The following ALDH6A1 variants were observed in gnomAD, a reference collection of about 807,000 sequenced individuals.
ALDH6A1 encodes the protein methylmalonate-semialdehyde/malonate-semialdehyde dehydrogenase [acylating], mitochondrial.
In ALDH6A1, 43 loss-of-function variants were observed where a neutral mutation model predicts 62.6. The ratio of observed to expected loss-of-function variants is 0.69; its 90% CI spans 0.54 to 0.89. The LOEUF (loss-of-function observed/expected upper bound fraction) is 0.89, where lower values mean the gene tolerates loss of function less well. Ranked by LOEUF, ALDH6A1 falls within the 40% of genes least tolerant of loss-of-function variation. The probability of loss-of-function intolerance (pLI) is 0.00; values close to 1 mark genes in which losing one functional copy is unlikely to be tolerated. For synonymous variants in ALDH6A1, 194 were observed against 234.2 expected, an observed-to-expected ratio of 0.83 and a Z score of 1.57; for missense variants, 551 against 661.3, an observed-to-expected ratio of 0.83 and a Z score of 1.83.
chr14:74,060,810 G>C (rs868239787), intron 11 of ALDH6A1, 64 bp from the exon 12 acceptor site: 2 of 1,181,820 alleles, frequency 1.7e-6, no homozygotes, highest in Middle Eastern at 1.9e-4. Flanking sequence ...CTTTTAATTA[G>C]CTTTTGAAGG....
At chr14:74,067,618 C>G in intron 7 of ALDH6A1, 49 bp from the exon 8 acceptor site, 1 of 1,595,224 alleles carries the variant, frequency 6.3e-7, no homozygotes, top group Non-Finnish European at 8.6e-7. Context: ...CCAAATACAA[C>G]TAAGCTAAGA....
Position 74,066,813 on chromosome 14 carries a change from A to C in ALDH6A1, c.1116T>G (p.Asp372Glu). ...TGGAAGCTCCCTCCTTTGTTCCACT[A>C]TCAATCAGATTACAGACTCGCTCTT... ...QAKERVCNLI[D>E]SGTKEGASIL... Residue 372 changes from aspartate to glutamate, a missense_variant, in exon 9 of 12, where the codon GAT becomes GAG. Asp to Glu is a conservative substitution (Grantham distance 45). Transcript: ENST00000553458. 1 of 1,614,062 alleles carries C rather than the reference A, an allele frequency of 6.2e-7. No homozygotes were observed. Among genetic ancestry groups the C allele is most frequent in the Non-Finnish European group, 8.5e-7 (1 of 1,179,984 alleles).
intron 6 of ALDH6A1, among the ~76,000 whole-genome samples, chr14:74,069,725 C>G (rs1047487701): frequency 3.9e-5 from 6 of 151,906 alleles, no homozygotes; most frequent in Admixed American, 1.3e-4. Context: ...TGCGCCTCAG[C>G]CTGGGCAACA....
At chr14:74,065,777 G>A (rs1232396515) in intron 9 of ALDH6A1, 2 of 202,752 alleles carry the variant, frequency 9.9e-6, no homozygotes, top group East Asian at 1.3e-4. Context: ...GCTGTTTTCT[G>A]TAACATAAAT....
Position 74,060,716 on chromosome 14 carries a change from T to C in ALDH6A1, c.1534A>G (p.Ile512Val). ...GIQFYTQLKT[I>V]TSQWKEEDAT... is the part of the protein sequence containing the mutation. ...TCTTCTTCTTTCCACTGAGAAGTAA[T>C]GGTCTTTAACTGAGTGTAGAATTGG... The change falls in exon 12 of 12, where the codon ATT (isoleucine) becomes GTT (valine). Residue 512 changes from isoleucine to valine, a missense_variant. Transcript: ENST00000553458. The C allele has an allele frequency of 9.9e-6, 16 of 1,613,590 alleles. No homozygotes were observed. The highest frequency in any genetic ancestry group is 1.2e-5 in the Non-Finnish European group (14 of 1,179,544).
At chr14:74,061,924 G>A (rs899195305) in intron 11 of ALDH6A1, among the ~76,000 whole-genome samples, 3 of 151,796 alleles carry the variant, frequency 2.0e-5, no homozygotes, top group Non-Finnish European at 2.9e-5. Flanking sequence ...AAACTGGGGG[G>A]TGCAGCCAGG....
intron 1 of ALDH6A1, chr14:74,082,938 A>C (rs1469144436): frequency 6.6e-6 from 1 of 152,204 alleles, no homozygotes; most frequent in Non-Finnish European, 1.5e-5. Context: ...TGGGAGGGGA[A>C]GAGGAGGCAA....
intron 1 of ALDH6A1, among the ~76,000 whole-genome samples, chr14:74,081,604 G>C (rs2060668506): frequency 6.6e-6 from 1 of 152,100 alleles, no homozygotes; most frequent in Non-Finnish European, 1.5e-5. Flanking sequence ...CCAAACTGCT[G>C]CTCTCTAGAT....
chr14:74,060,292 G>C lies in ALDH6A1; in HGVS notation c.*350C>G, dbSNP rs535909477. On this transcript the variant is annotated 3_prime_UTR_variant, in exon 12 of 12. Transcript: ENST00000553458. ...TGGAATTACAGGCGTGAGCCACCGC[G>C]CCTGGCTGGAACATTTTCTTTACAT... 16 of 270,916 alleles carry C rather than the reference G, an allele frequency of 5.9e-5. No homozygotes were observed. The highest frequency in any genetic ancestry group is 3.5e-4 in the African/African-American group (16 of 45,682). 16.8% of individuals were successfully genotyped at this position (270,916 alleles called of 1,614,324 possible). A position where few individuals can be genotyped will look rare whatever the true frequency, so the allele number is the denominator to read the frequency against.
At chr14:74,071,101 A>C in intron 6 of ALDH6A1, 94 bp downstream of exon 6, 1 of 1,202,106 alleles carries the variant, frequency 8.3e-7, no homozygotes, top group Non-Finnish European at 1.2e-6. Context: ...TCCTCCTTAC[A>C]AGTAGGTTCC....
intron 6 of ALDH6A1, chr14:74,070,556 T>G (rs1021778697): frequency 6.6e-6 from 1 of 152,666 alleles, no homozygotes; most frequent in Non-Finnish European, 1.5e-5. Flanking sequence ...ATGGTGACTA[T>G]GTACTGGGAC....
At chr14:74,075,068 T>C in intron 1 of ALDH6A1, 51 bp from the exon 2 acceptor site, 1 of 1,575,952 alleles carries the variant, frequency 6.3e-7, no homozygotes, top group Non-Finnish European at 8.7e-7. Flanking sequence ...GAAAGTTATT[T>C]AAAATTTAGC....
At chr14:74,070,981 C>G in intron 6 of ALDH6A1, 1 of 587,472 alleles carries the variant, frequency 1.7e-6, no homozygotes, top group Non-Finnish European at 3.0e-6. Flanking sequence ...TTCTAGTGTC[C>G]CAATATATAC....
At chr14:74,074,835 G>C (rs1265062501) in intron 2 of ALDH6A1, 120 bp downstream of exon 2, 1 of 1,011,278 alleles carries the variant, frequency 9.9e-7, no homozygotes, top group Non-Finnish European at 1.5e-6. Flanking sequence ...AATCCAAAAG[G>C]AGGAAAAAAC....
rs759851246 is a variant in ALDH6A1 at position 74,057,285 on chromosome 14, A to C, written c.*3357T>G. ...TAAGGAGTCTGTATCTAATCAAACA[A>C]TGTATATTGTTGTCACCCTTCCCCA... On this transcript the variant is annotated 3_prime_UTR_variant, in exon 12 of 12. Coordinates refer to ENST00000553458, the MANE Select transcript of ALDH6A1 (RefSeq NM_005589.4). The C allele has an allele frequency of 1.9e-6, 3 of 1,614,016 alleles. No homozygotes were observed. In the Admixed American group the frequency reaches 5.0e-5, roughly 27 times the overall value.
In ALDH6A1 at chr14:74,072,620, AAC is replaced by A. The variant is rs558581627; in HGVS notation, c.112-11_112-10del. ...AAGAGCTTTACAGTTGGCTGAAAAA[AAC>A]AAACAAACAAACAAACAAACAAAAA... On this transcript the variant is annotated splice_polypyrimidine_tract_variant and intron_variant, in intron 2 of 11. Coordinates refer to ENST00000553458, the MANE Select transcript of ALDH6A1 (RefSeq NM_005589.4). 1,128 of 1,547,326 alleles carry A rather than the reference AAC, an allele frequency of 7.3e-4. 16 individuals are homozygous for A. The South Asian group carries it at 0.011, about 16-fold the overall frequency.
chr14:74,057,632 GGAGATATGAAAT>G lies in ALDH6A1; in HGVS notation c.*2998_*3009del. On this transcript the variant is annotated 3_prime_UTR_variant, in exon 12 of 12. Coordinates refer to ENST00000553458, the MANE Select transcript of ALDH6A1 (RefSeq NM_005589.4). Reference sequence around the variant, plus strand: ...CAACCTAGAGGACAAAGGCTTATAAGGAGATATGAAATGATTTTTTTAAGCCAAGTTTTTCTC... The same window carrying G: ...CAACCTAGAGGACAAAGGCTTATAAGGATTTTTTTAAGCCAAGTTTTTCTC... The G allele has an allele frequency of 1.5e-6, 2 of 1,333,220 alleles. No homozygotes were observed. Among genetic ancestry groups the G allele is most frequent in the Non-Finnish European group, 2.0e-6 (2 of 1,022,494 alleles). 82.6% of individuals were successfully genotyped at this position (1,333,220 alleles called of 1,614,324 possible).
chr14:74,080,172 G>C (rs529822518), intron 1 of ALDH6A1, among the ~76,000 whole-genome samples: 3 of 152,246 alleles, frequency 2.0e-5, no homozygotes, highest in Admixed American at 2.0e-4. Flanking sequence ...GAGAAACCCA[G>C]ATACTATTCC....
At position 74,071,435 on chromosome 14, in the gene ALDH6A1, T is replaced by A; in HGVS notation, c.490A>T (p.Thr164Ser). ...LMMGETMPSI[T>S]KDMDLYSYRL... ...TAGGAATAAAGGTCCATGTCTTTGG[T>A]GATGGATGGCATGGTCTCTCCCATC... Residue 164 changes from threonine to serine, a missense_variant, in exon 6 of 12, where the codon ACC becomes TCC. By Grantham distance (58) the Thr-to-Ser change is moderately conservative. Coordinates refer to ENST00000553458, the MANE Select transcript of ALDH6A1 (RefSeq NM_005589.4). 6.2e-7 allele frequency: 1 copy of A among 1,614,166 alleles called. No homozygotes were observed. Among genetic ancestry groups the A allele is most frequent in the Non-Finnish European group, 8.5e-7 (1 of 1,180,028 alleles).
Sources: gnomAD v4.1 joint callset for allele counts (sites outside exome capture counted in the v4.1 genomes callset) on GRCh38, gnomAD v4.1.1 for gene constraint, MANE v1.5 for transcripts, NCBI Gene and HGNC (gene_info 2026-07-23, HGNC 2026-07-21) for gene names.